Variants in GOLGA6B observed in about 807,000 individuals in gnomAD.
GOLGA6B encodes golgin subfamily A member 6B.
GOLGA6B carries 11 observed loss-of-function variants against 63.0 expected under a neutral mutation model. The observed-to-expected ratio is 0.17, with a 90% CI of 0.11 to 0.29. The LOEUF is 0.29. GOLGA6B is among the 10% of genes least tolerant of loss of function. The pLI is 1.00. For missense variants in GOLGA6B, 134 were observed against 563.8 expected (o/e 0.24, Z 7.72); for synonymous variants, 46 against 232.6 (o/e 0.20, Z 7.30).
rs2064617590 is a variant in GOLGA6B, at chr15:72,664,063, A to G, written c.1426-373A>G. On this transcript the variant is annotated intron_variant, in intron 12 of 17. Transcript: ENST00000421285. ...AGCCCCACGGTGCCCTCGCTACCCT[A>G]TTAATGGGCCCAGAATCTGGAAGCC... 1.0e-4 allele frequency among the ~76,000 whole-genome samples: 13 copies of G among 129,702 alleles called. 3 individuals are homozygous for G. In the South Asian group the frequency reaches 3.4e-3, roughly 34 times the overall value. The allele number at this position is 129,702 out of a possible 152,430, so 85.1% of individuals were successfully genotyped here.
chr15:72,661,066 G>T (rs1202193392), intron 7 of GOLGA6B, among the ~76,000 whole-genome samples, 198 bp from the exon 8 acceptor site: 1 of 150,446 alleles, frequency 6.6e-6, no homozygotes, highest in Non-Finnish European at 1.5e-5. Context: ...ATCTCTCTGG[G>T]CCTCTGTTAG....
chr15:72,664,620 A>G (rs2064623680), intron 13 of GOLGA6B, 109 bp downstream of exon 13: 1 of 834,452 alleles, frequency 1.2e-6, no homozygotes, highest in Non-Finnish European at 1.8e-6. Flanking sequence ...GCTGGTCGTT[A>G]TGCCAACCGG....
Position 72,664,192 on chromosome 15 carries a change from G to GCAGCAGTACGTGGCCACCTAT in GOLGA6B, c.1426-237_1426-217dup, listed in dbSNP as rs2064618631. 2.3e-5 allele frequency among the ~76,000 whole-genome samples: 3 copies of GCAGCAGTACGTGGCCACCTAT among 130,716 alleles called. 1 individual carries two copies. The highest frequency in any genetic ancestry group is 7.9e-5 in the African/African-American group (3 of 38,050). 85.8% of individuals were successfully genotyped at this position (130,716 alleles called of 152,430 possible). A position where few individuals can be genotyped will look rare whatever the true frequency, so the allele number is the denominator to read the frequency against. On this transcript the variant is annotated intron_variant, in intron 12 of 17. Coordinates refer to ENST00000421285, the MANE Select transcript of GOLGA6B (RefSeq NM_018652.5). ...AGCGAGACTAGTACCTGGGTCACCT[G>GCAGCAGTACGTGGCCACCTAT]CAGCAGTACGTGGCCACCTATCAGC...
intron 12 of GOLGA6B, 78 bp from the exon 13 acceptor site, chr15:72,664,358 C>A: frequency 1.6e-6 from 2 of 1,256,850 alleles, no homozygotes; most frequent in Non-Finnish European, 2.2e-6. Flanking sequence ...CCAGGGGAGG[C>A]AGTTGCTGAG....
chr15:72,667,603 C>T lies in GOLGA6B; in HGVS notation c.*1261C>T. Among the ~76,000 whole-genome samples, 1 of 152,112 alleles carries T rather than the reference C, an allele frequency of 6.6e-6. No homozygotes were observed. Among genetic ancestry groups the T allele is most frequent in the Admixed American group, 6.5e-5 (1 of 15,276 alleles). On this transcript the variant is annotated 3_prime_UTR_variant, in exon 18 of 18. Transcript: ENST00000421285. ...TCTCTGGCTAATACCTATTCTTCAGCCACATTAGTTACTCTGACGTAGGAA... is the reference window on the plus strand; with the variant it reads ...TCTCTGGCTAATACCTATTCTTCAGTCACATTAGTTACTCTGACGTAGGAA...
chr15:72,661,021 A>G (rs1254347573), intron 7 of GOLGA6B, among the ~76,000 whole-genome samples: 2 of 151,456 alleles, frequency 1.3e-5, no homozygotes, highest in Non-Finnish European at 1.5e-5. Flanking sequence ...AAACAGTGGT[A>G]GTAATAACAG....
rs1285294261 is a variant in GOLGA6B at position 72,664,375 on chromosome 15, G to C, written c.1426-61G>C. The stretch of plus-strand genomic sequence containing the variant: ...AGGGGAGGCAGTTGCTGAGGACGGG[G>C]CCCCGAGGGGGATGACCTGGCAACC... On this transcript the variant is annotated intron_variant, in intron 12 of 17. Coordinates refer to ENST00000421285, the MANE Select transcript of GOLGA6B (RefSeq NM_018652.5). 1.5e-6 allele frequency: 2 copies of C among 1,302,138 alleles called. 1 individual carries two copies. The highest frequency in any genetic ancestry group is 3.9e-5 in the Admixed American group (2 of 50,690). The allele number at this position is 1,302,138 out of a possible 1,614,324, so 80.7% of individuals were successfully genotyped here.
At chr15:72,665,229 C>T (rs1479740054) in intron 14 of GOLGA6B, among the ~76,000 whole-genome samples, 194 bp downstream of exon 14, 3 of 117,854 alleles carry the variant, frequency 2.5e-5, no homozygotes, top group Admixed American at 8.7e-5. Context: ...TTGTTCTCCA[C>T]CTCCCTGCCT....
chr15:72,661,218 C>T (rs1313261961), intron 7 of GOLGA6B, 46 bp from the exon 8 acceptor site: 1 of 1,608,558 alleles, frequency 6.2e-7, no homozygotes, highest in Admixed American at 1.7e-5. Flanking sequence ...TTAAGGGGCA[C>T]TGCCTGAGCT....
rs746768374 is a variant in GOLGA6B at position 72,662,276 on chromosome 15, C to G, written c.872C>G (p.Pro291Arg). Residue 291 changes from proline (P) to arginine (R), a missense_variant, in exon 11 of 18, where the codon CCA (proline) becomes CGA (arginine). Transcript: ENST00000421285. The part of the protein sequence containing the change: ...QMAKPPSLAP[P>R]AVTSVVEQLQ... ...GCTAAGCCCCCATCCCTGGCGCCCC[C>G]AGCAGTGACCTCTGTGGTGGAACAG... 3 of 1,386,926 alleles carry G rather than the reference C, an allele frequency of 2.2e-6. No individual in the cohort carries two copies. The highest frequency in any genetic ancestry group is 2.8e-5 in the South Asian group (2 of 71,624). The allele number at this position is 1,386,926 out of a possible 1,614,324, so 85.9% of individuals were successfully genotyped here.
At chr15:72,664,576 T>A in intron 13 of GOLGA6B, 65 bp downstream of exon 13, 1 of 1,088,868 alleles carries the variant, frequency 9.2e-7, no homozygotes, top group African/African-American at 1.6e-5. Flanking sequence ...GTTAGCAGCA[T>A]AGGATTGAGG....
rs2064597398 is a variant in GOLGA6B at position 72,661,485 on chromosome 15, G to T, written c.678G>T (p.Gln226His). ...TGACAGAGTCACTAAAACAAGTCCA[G>T]CTAGAGCGAGACGAATATGCTAAAC... is the stretch of plus-strand genomic sequence containing the variant. ...TQVTESLKQV[Q>H]LERDEYAKHI... The change falls in exon 9 of 18, where the codon CAG (glutamine) becomes CAT (histidine). Residue 226 changes from glutamine to histidine, a missense_variant. Transcript: ENST00000421285. 7.6e-7 allele frequency: 1 copy of T among 1,318,814 alleles called. No individual in the cohort carries two copies. The highest frequency in any genetic ancestry group is 1.6e-5 in the African/African-American group (1 of 64,252). The allele number at this position is 1,318,814 out of a possible 1,614,324, so 81.7% of individuals were successfully genotyped here.
intron 12 of GOLGA6B, among the ~76,000 whole-genome samples, 180 bp from the exon 13 acceptor site, chr15:72,664,256 C>G (rs952756771): frequency 7.7e-6 from 1 of 130,414 alleles, no homozygotes; most frequent in Non-Finnish European, 1.7e-5. Context: ...CAGGCAGTTA[C>G]TGCTGCAGAC....
At position 72,664,295 on chromosome 15, in the gene GOLGA6B, G is replaced by A. The variant is rs1219048459; in HGVS notation, c.1426-141G>A. The stretch of plus-strand genomic sequence containing the variant: ...GCTCGTGGACCAGCTGCAGCAGCAG[G>A]AAGCTTGGGGCAAAGCGGTGGCTGA... On this transcript the variant is annotated intron_variant, in intron 12 of 17. Coordinates refer to ENST00000421285, the MANE Select transcript of GOLGA6B (RefSeq NM_018652.5). 2.0e-5 allele frequency: 23 copies of A among 1,122,130 alleles called. 3 individuals are homozygous for A. The highest frequency in any genetic ancestry group is 1.1e-4 in the Admixed American group (5 of 44,578). 69.5% of individuals were successfully genotyped at this position (1,122,130 alleles called of 1,614,324 possible).
chr15:72,665,067 A>G (rs2064628210), intron 14 of GOLGA6B, 32 bp downstream of exon 14: 1 of 951,534 alleles, frequency 1.1e-6, no homozygotes, highest in South Asian at 1.4e-5. Flanking sequence ...CCGCTTTGCC[A>G]CCTTCCTCTG....
rs756397053 is a variant in GOLGA6B, at chr15:72,664,449, C to G, written c.1439C>G (p.Ala480Gly). 4.5e-6 allele frequency: 6 copies of G among 1,327,592 alleles called. 2 individuals carry two copies. In the South Asian group the frequency reaches 8.5e-5, roughly 19 times the overall value. The allele number at this position is 1,327,592 out of a possible 1,614,324, so 82.2% of individuals were successfully genotyped here. The change falls in exon 13 of 18, where the codon GCT (alanine) becomes GGT (glycine). Residue 480 changes from alanine (A) to glycine (G), a missense_variant. By Grantham distance (60) the Ala-to-Gly change is moderately conservative. Transcript: ENST00000421285. ...CCGTCCCCTTAGGAGCACCTAGAAGCTGCCAGCCAGCAGAACCAACAGCTA... is the reference window on the plus strand; with the variant it reads ...CCGTCCCCTTAGGAGCACCTAGAAGGTGCCAGCCAGCAGAACCAACAGCTA... The part of the protein sequence containing the change: ...QEKLDEEHLE[A>G]ASQQNQQLET...
In GOLGA6B at chr15:72,666,329, T is replaced by C. The variant is rs367660888; in HGVS notation, c.2069T>C (p.Met690Thr). The C allele has an allele frequency of 4.5e-5, 70 of 1,546,496 alleles. No individual in the cohort carries two copies. The African/African-American group carries it at 1.1e-3, about 24-fold the overall frequency. ...CAGATCGTGCAGCTGTCTCCTGTCA[T>C]GCAGGACACCTAGGAGCACCCAGGC... is the stretch of plus-strand genomic sequence containing the variant. Reference protein sequence around the residue: ...VQQIVQLSPVMQDT With the variant: ...VQQIVQLSPVTQDT The change falls in exon 18 of 18, where the codon ATG (methionine) becomes ACG (threonine). Residue 690 changes from methionine (M) to threonine (T), a missense_variant. By Grantham distance (81) the Met-to-Thr change is moderately conservative (BLOSUM62 -1). Coordinates refer to ENST00000421285, the MANE Select transcript of GOLGA6B (RefSeq NM_018652.5).
chr15:72,663,508 T>TACA (rs1426352123), intron 12 of GOLGA6B, among the ~76,000 whole-genome samples: 3 of 108,048 alleles, frequency 2.8e-5, no homozygotes, highest in African/African-American at 9.7e-5. Flanking sequence ...CTACTAAAAT[T>TACA]ACAACAACAA....
At chr15:72,657,378 C>T (rs1049898485) in intron 2 of GOLGA6B, among the ~76,000 whole-genome samples, 9 of 150,728 alleles carry the variant, frequency 6.0e-5, no homozygotes, top group South Asian at 2.1e-4. Flanking sequence ...TCTGTGACTG[C>T]GTCACTCGGG....
Sources: allele counts gnomAD v4.1 joint callset (sites outside exome capture counted in the v4.1 genomes callset), GRCh38; gene constraint gnomAD v4.1.1; transcripts MANE v1.5; gene names NCBI Gene and HGNC (gene_info 2026-07-23, HGNC 2026-07-21).